Variants in MTMR8 observed in about 807,000 individuals in gnomAD.
MTMR8 encodes the protein phosphatidylinositol-3,5-bisphosphate 3-phosphatase MTMR8.
In MTMR8, 65 loss-of-function variants were observed where a neutral mutation model predicts 39.3. That is an observed-to-expected ratio of 1.65 (90% CI 1.35 to 2.03). The LOEUF (loss-of-function observed/expected upper bound fraction) is 2.03, where lower values mean the gene tolerates loss of function less well. Ranked by LOEUF, MTMR8 falls within the 30% of genes most tolerant of loss-of-function variation. The pLI is 0.00. For synonymous variants in MTMR8, 245 were observed against 185.2 expected (o/e 1.32, Z -2.62); for missense variants, 777 against 538.9 (o/e 1.44, Z -4.37).
At chrX:64,302,147 G>T (rs771870413) in intron 12 of MTMR8, among the ~76,000 whole-genome samples, 1 of 112,654 alleles carries the variant, frequency 8.9e-6, no homozygotes, top group African/African-American at 3.2e-5. Flanking sequence ...GGGCAATGGC[G>T]GGCGCCCCTC....
intron 2 of MTMR8, among the ~76,000 whole-genome samples, chrX:64,358,336 C>T (rs918364643): frequency 9.0e-6 from 1 of 111,465 alleles, no homozygotes; most frequent in African/African-American, 3.3e-5. Flanking sequence ...TACAATCTCA[C>T]ATGGGGAAAG....
intron 12 of MTMR8, among the ~76,000 whole-genome samples, chrX:64,283,223 A>T (rs1602105903): frequency 8.9e-6 from 1 of 111,855 alleles, no homozygotes; most frequent in East Asian, 2.8e-4. Flanking sequence ...AGCCTCGCTC[A>T]TTGCTAGCAC....
At chrX:64,347,762 T>C (rs1313045274) in intron 6 of MTMR8, among the ~76,000 whole-genome samples, 2 of 112,596 alleles carry the variant, frequency 1.8e-5, no homozygotes, top group Non-Finnish European at 3.8e-5. Flanking sequence ...TTTAAGAATA[T>C]GGAATCTATC....
chrX:64,369,489 T>C, intron 1 of MTMR8, among the ~76,000 whole-genome samples: 1 of 110,827 alleles, frequency 9.0e-6, no homozygotes, highest in Middle Eastern at 4.6e-3. Context: ...CTGGAAACCA[T>C]CATTCTCAGC....
intron 1 of MTMR8, among the ~76,000 whole-genome samples, chrX:64,387,136 A>G (rs1464842631): frequency 9.0e-6 from 1 of 111,715 alleles, no homozygotes; most frequent in African/African-American, 3.3e-5. Flanking sequence ...ATCAGTGTCA[A>G]TTGCACAGGG....
chrX:64,295,239 GACACAC>G (rs374084522), intron 12 of MTMR8, among the ~76,000 whole-genome samples: 17 of 105,986 alleles, frequency 1.6e-4, no homozygotes, highest in Non-Finnish European at 2.0e-5. Context: ...AGATGTTTCT[GACACAC>G]ACACACACAC....
At chrX:64,287,492 G>C (rs1048503452) in intron 12 of MTMR8, among the ~76,000 whole-genome samples, 2 of 111,008 alleles carry the variant, frequency 1.8e-5, no homozygotes, top group Non-Finnish European at 3.8e-5. Context: ...ACCAAAAAAA[G>C]AGCCCGCATT....
rs764053169 is a variant in MTMR8 at position 64,269,018 on chromosome X, G to A, written c.1634C>T (p.Pro545Leu). Residue 545 changes from proline to leucine, a missense_variant, in exon 14 of 14, where the codon CCA becomes CTA. Physicochemically the swap from Pro to Leu is moderately conservative, Grantham distance 98. Coordinates refer to ENST00000374852, the MANE Select transcript of MTMR8 (RefSeq NM_017677.4). ...TTGAGAGCAGGTACAGATCTCTTCTGGTGGCTCATCACGGACTTTTAGTTT... is the reference window on the plus strand; with the variant it reads ...TTGAGAGCAGGTACAGATCTCTTCTAGTGGCTCATCACGGACTTTTAGTTT... The part of the protein sequence containing the change: ...EKKLKVRDEP[P>L]EEICTCSQLG... 1 of 1,209,873 alleles carries A rather than the reference G, an allele frequency of 8.3e-7. No homozygotes were observed. Among genetic ancestry groups the A allele is most frequent in the East Asian group, 3.0e-5 (1 of 33,821 alleles).
intron 1 of MTMR8, among the ~76,000 whole-genome samples, chrX:64,373,268 A>G (rs2147242058): frequency 1.8e-5 from 2 of 111,679 alleles, no homozygotes; most frequent in African/African-American, 6.5e-5. Flanking sequence ...CCCAAATCCT[A>G]TGTTGAATTG....
chrX:64,296,584 T>C (rs1921595906), intron 12 of MTMR8, among the ~76,000 whole-genome samples: 1 of 108,669 alleles, frequency 9.2e-6, no homozygotes, highest in Non-Finnish European at 1.9e-5. Context: ...TTTTTTTTTT[T>C]TTTTTTTAAT....
intron 12 of MTMR8, among the ~76,000 whole-genome samples, chrX:64,277,714 G>T (rs1333159397): frequency 9.0e-6 from 1 of 110,843 alleles, no homozygotes; most frequent in African/African-American, 3.3e-5. Flanking sequence ...ATGTGTCTTG[G>T]TGTTGTTCTT....
Position 64,345,165 on chromosome X carries a change from C to T in MTMR8, c.745G>A (p.Ala249Thr), listed in dbSNP as rs367826729. 1.4e-5 allele frequency: 17 copies of T among 1,209,192 alleles called. No homozygotes were observed. In the African/African-American group the frequency reaches 2.3e-4, roughly 16 times the overall value. Residue 249 changes from alanine to threonine, a missense_variant, in exon 7 of 14, where the codon GCC (alanine) becomes ACC (threonine). By Grantham distance (58) the Ala-to-Thr change is moderately conservative. Coordinates refer to ENST00000374852, the MANE Select transcript of MTMR8 (RefSeq NM_017677.4). ...VDTRPKLNAMANRAAGKGYEN... is the reference protein window; with the variant it reads ...VDTRPKLNAMTNRAAGKGYEN... Reference sequence around the variant, plus strand: ...TACCCCTTCCCAGCTGCTCGGTTGGCCATGGCATTCAACTGCAATAGCAGA... The same window carrying T: ...TACCCCTTCCCAGCTGCTCGGTTGGTCATGGCATTCAACTGCAATAGCAGA...
At chrX:64,329,695 G>C (rs1285370538) in intron 11 of MTMR8, among the ~76,000 whole-genome samples, 1 of 111,114 alleles carries the variant, frequency 9.0e-6, no homozygotes, top group African/African-American at 3.3e-5. Flanking sequence ...ACTGAAGAGT[G>C]ATATAAGTGG....
At chrX:64,286,053 G>C (rs1389076955) in intron 12 of MTMR8, among the ~76,000 whole-genome samples, 1 of 111,223 alleles carries the variant, frequency 9.0e-6, no homozygotes, top group African/African-American at 3.3e-5. Flanking sequence ...TTTTTGAAAA[G>C]ATCAACAAAA....
chrX:64,285,990 G>C (rs1049720642), intron 12 of MTMR8, among the ~76,000 whole-genome samples: 1 of 111,192 alleles, frequency 9.0e-6, no homozygotes, highest in African/African-American at 3.3e-5. Flanking sequence ...CAGAAATGAA[G>C]GACACAGAGA....
At chrX:64,395,204 G>A in intron 1 of MTMR8, 136 bp downstream of exon 1, 5 of 657,575 alleles carry the variant, frequency 7.6e-6, no homozygotes, top group Non-Finnish European at 1.2e-5. Flanking sequence ...TGTGGACCCA[G>A]AAAGAGAACC....
In MTMR8 at chrX:64,303,045, G is replaced by A. The variant is rs367712457; in HGVS notation, c.1481+25727C>T. ...AAGGATCACTTAAAGTTTGCTGTGC[G>A]TTAATGCCATCTCGTGATTCTTATC... On this transcript the variant is annotated intron_variant, in intron 12 of 13. Transcript: ENST00000374852. 2.8e-4 allele frequency among the ~76,000 whole-genome samples: 31 copies of A among 112,616 alleles called. No individual in the cohort carries two copies. In the South Asian group the frequency reaches 0.011, roughly 39 times the overall value.
intron 12 of MTMR8, among the ~76,000 whole-genome samples, chrX:64,297,756 G>A (rs1921672206): frequency 9.1e-6 from 1 of 110,429 alleles, no homozygotes; most frequent in South Asian, 3.9e-4. Flanking sequence ...ATTGATTTTT[G>A]TATAAGGTGT....
intron 12 of MTMR8, among the ~76,000 whole-genome samples, chrX:64,280,263 C>G (rs369873669): frequency 8.9e-6 from 1 of 111,893 alleles, no homozygotes; most frequent in Admixed American, 9.5e-5. Flanking sequence ...AACTTCAGGC[C>G]AATATCCCTG....
Sources: allele counts gnomAD v4.1 joint callset (sites outside exome capture counted in the v4.1 genomes callset), GRCh38; gene constraint gnomAD v4.1.1; transcripts MANE v1.5; gene names NCBI Gene and HGNC (gene_info 2026-07-23, HGNC 2026-07-21).